The following LMO7 variants were observed in gnomAD, a reference collection of about 807,000 sequenced individuals.
LMO7 encodes LIM domain only protein 7.
LMO7 carries 120 observed loss-of-function variants against 206.5 expected under a neutral mutation model. That is an observed-to-expected ratio of 0.58 (90% CI 0.50 to 0.68). LMO7 has a LOEUF of 0.68. LMO7 is among the 30% of genes least tolerant of loss of function. LMO7 has a pLI of 0.00. For missense variants in LMO7, 1,959 were observed against 1,957.9 expected, an observed-to-expected ratio of 1.00 and a Z score of -0.01; for synonymous variants, 706 against 681.5, an observed-to-expected ratio of 1.04 and a Z score of -0.56.
intron 1 of LMO7, among the ~76,000 whole-genome samples, chr13:75,656,646 TTA>T (rs2038087330): frequency 1.3e-5 from 2 of 152,058 alleles, no homozygotes; most frequent in South Asian, 4.2e-4. Context: ...TACAGAAGGT[TTA>T]TAGTTAGTGC....
chr13:75,760,466 A>G, intron 3 of LMO7: 1 of 1,218,990 alleles, frequency 8.2e-7, no homozygotes, highest in South Asian at 2.9e-5. Context: ...ATTTGTAATC[A>G]TAGAAACAGA....
At chr13:75,669,601 C>T (rs1034589632) in intron 1 of LMO7, among the ~76,000 whole-genome samples, 6 of 152,134 alleles carry the variant, frequency 3.9e-5, no homozygotes, top group East Asian at 1.9e-4. Flanking sequence ...TAGCAATGCC[C>T]GCCTAGCCTC....
chr13:75,735,262 C>T (rs2045697204), intron 3 of LMO7, among the ~76,000 whole-genome samples: 1 of 151,910 alleles, frequency 6.6e-6, no homozygotes, highest in Non-Finnish European at 1.5e-5. Context: ...CACTCACCCC[C>T]TCTTCAGGAG....
chr13:75,761,835 A>G (rs1490500173), intron 4 of LMO7, among the ~76,000 whole-genome samples: 3 of 152,182 alleles, frequency 2.0e-5, no homozygotes. Context: ...CTTAAACCTA[A>G]TTAACATTTT....
rs1208764632 is a variant in LMO7 at position 75,737,609 on chromosome 13, C to T, written c.210+10511C>T. Among the ~76,000 whole-genome samples the T allele has an allele frequency of 6.8e-5, 10 of 146,608 alleles. No homozygotes were observed. In the East Asian group the frequency reaches 7.9e-4, roughly 12 times the overall value. On this transcript the variant is annotated intron_variant, in intron 3 of 30. Transcript: ENST00000377534. ...TCTACTAAAAATACAAAAAATTAGCCGGGCGTGGTAGCGGGCGCCTGTAGT... is the reference window on the plus strand; with the variant it reads ...TCTACTAAAAATACAAAAAATTAGCTGGGCGTGGTAGCGGGCGCCTGTAGT...
chr13:75,832,273 A>G (rs570612819), intron 15 of LMO7, among the ~76,000 whole-genome samples: 1 of 152,280 alleles, frequency 6.6e-6, no homozygotes, highest in East Asian at 1.9e-4. Flanking sequence ...GAAATTTGGA[A>G]TTTGTTGTGT....
chr13:75,735,134 TG>T (rs2045676181), intron 3 of LMO7, among the ~76,000 whole-genome samples: 2 of 150,962 alleles, frequency 1.3e-5, no homozygotes, highest in East Asian at 1.9e-4. Flanking sequence ...TGTGTGTGTG[TG>T]TGTGTGTATG....
At chr13:75,670,954 T>C (rs7322210) in intron 1 of LMO7, among the ~76,000 whole-genome samples, 53,704 of 139,724 alleles carry the variant, frequency 0.38, 11,427 homozygotes, top group Middle Eastern at 0.5. Flanking sequence ...CTTTTTTTTT[T>C]AATGTTTAAA....
At chr13:75,651,189 G>A (rs1021952258) in intron 1 of LMO7, among the ~76,000 whole-genome samples, 1 of 152,124 alleles carries the variant, frequency 6.6e-6, no homozygotes, top group Admixed American at 6.5e-5. Flanking sequence ...TTACAGTAAT[G>A]CTTTTTATGT....
At chr13:75,746,936 G>C (rs2046888055) in intron 3 of LMO7, among the ~76,000 whole-genome samples, 1 of 151,934 alleles carries the variant, frequency 6.6e-6, no homozygotes, top group African/African-American at 2.4e-5. Context: ...GAAGTTTCTG[G>C]TAGTTGGCCT....
At chr13:75,819,923 C>T (rs976428993) in intron 13 of LMO7, among the ~76,000 whole-genome samples, 14 of 151,988 alleles carry the variant, frequency 9.2e-5, no homozygotes, top group African/African-American at 2.9e-4. Context: ...TAAAATATAA[C>T]GAAGTTCTTT....
chr13:75,636,288 A>G, upstream of LMO7: 1 of 1,063,476 alleles, frequency 9.4e-7, no homozygotes, highest in Non-Finnish European at 1.1e-6. Context: ...GGGCGGGGCC[A>G]CCGCGGGGAG....
chr13:75,787,592 T>G (rs1380885368), intron 4 of LMO7, among the ~76,000 whole-genome samples: 1 of 150,696 alleles, frequency 6.6e-6, no homozygotes, highest in South Asian at 2.1e-4. Flanking sequence ...TTTTTCTCAA[T>G]TAAGTAAGTA....
intron 4 of LMO7, among the ~76,000 whole-genome samples, chr13:75,777,593 C>G (rs2050681811): frequency 6.6e-6 from 1 of 151,524 alleles, no homozygotes; most frequent in East Asian, 1.9e-4. Flanking sequence ...TTTAATGTTT[C>G]ATCACATTCA....
Position 75,807,903 on chromosome 13 carries a change from A to G in LMO7, c.1620A>G (p.Pro540=). ...PLSGAPDRYH[P]VPFPEPWTLP... ...CTGGGGCCCCAGATAGATACCACCC[A>G]GTCCCTTTTCCCGAACCCTGGACTC... Residue 540 remains proline, a synonymous_variant, in exon 10 of 31, where the codon CCA becomes CCG. Transcript: ENST00000377534. 2 of 1,614,028 alleles carry G rather than the reference A, an allele frequency of 1.2e-6. No homozygotes were observed. Among genetic ancestry groups the G allele is most frequent in the East Asian group, 4.5e-5 (2 of 44,888 alleles).
At chr13:75,684,095 G>A (rs1245262529) in intron 1 of LMO7, among the ~76,000 whole-genome samples, 2 of 152,148 alleles carry the variant, frequency 1.3e-5, no homozygotes, top group East Asian at 3.9e-4. Context: ...ATCTTATCCT[G>A]AACTCGTTTT....
intron 1 of LMO7, among the ~76,000 whole-genome samples, chr13:75,667,212 G>A (rs948451431): frequency 1.3e-5 from 2 of 152,060 alleles, no homozygotes; most frequent in African/African-American, 2.4e-5. Flanking sequence ...GTTATACTTA[G>A]TTTTCAGTGG....
chr13:75,798,946 G>A (rs2054380061), intron 6 of LMO7, among the ~76,000 whole-genome samples: 1 of 152,206 alleles, frequency 6.6e-6, no homozygotes, highest in Non-Finnish European at 1.5e-5. Context: ...ATACGTGTTT[G>A]AGAAACCTGA....
chr13:75,663,918 T>G lies in LMO7; in HGVS notation c.69+27192T>G, dbSNP rs980792516. On this transcript the variant is annotated intron_variant, in intron 1 of 30. Coordinates refer to ENST00000377534, the MANE Select transcript of LMO7 (RefSeq NM_001306080.2). ...AAGATTTTTATACAGACATGTAATG[T>G]GTAATAATCACATCAGGGTAAATGA... Among the ~76,000 whole-genome samples the G allele has an allele frequency of 7.2e-5, 11 of 152,200 alleles. 1 individual carries two copies. The highest frequency in any genetic ancestry group is 5.9e-5 in the Non-Finnish European group (4 of 68,044).
Sources: gnomAD v4.1 joint callset for allele counts (sites outside exome capture counted in the v4.1 genomes callset) on GRCh38, gnomAD v4.1.1 for gene constraint, MANE v1.5 for transcripts, NCBI Gene and HGNC (gene_info 2026-07-23, HGNC 2026-07-21) for gene names.